The following RASAL2 variants were observed in gnomAD, a reference collection of about 807,000 sequenced individuals.
RASAL2 encodes RAS protein activator like 2.
RASAL2 carries 58 observed loss-of-function variants against 128.9 expected under a neutral mutation model. The observed-to-expected ratio is 0.45, with a 90% CI of 0.36 to 0.56. RASAL2 has a LOEUF of 0.56. RASAL2 is among the 20% of genes least tolerant of loss of function. The pLI is 0.00. For missense variants in RASAL2, 1,360 were observed against 1,601.6 expected (o/e 0.85, Z 2.57); for synonymous variants, 561 against 580.8 (o/e 0.97, Z 0.49).
Position 178,095,335 on chromosome 1 carries a change from G to A in RASAL2, c.202+641G>A, listed in dbSNP as rs557601993. Among the ~76,000 whole-genome samples the A allele has an allele frequency of 3.3e-5, 5 of 152,288 alleles. No homozygotes were observed. The South Asian group carries it at 6.2e-4, about 19-fold the overall frequency. ...TAAAACTTTCCCTTTCTGCATTCCT[G>A]GTAACCACCTCTTTAATTAAAACTG... On this transcript the variant is annotated intron_variant, in intron 1 of 17. Transcript: ENST00000367649.
intron 1 of RASAL2, among the ~76,000 whole-genome samples, chr1:178,200,063 A>G (rs316273): frequency 0.95 from 145,322 of 152,262 alleles, 69,705 homozygotes; most frequent in East Asian, 1. Context: ...ACGGCCTATT[A>G]TGGTACCTCG....
intron 3 of RASAL2, among the ~76,000 whole-genome samples, chr1:178,322,866 T>C (rs1668858068): frequency 6.6e-6 from 1 of 152,236 alleles, no homozygotes. Context: ...GATCATCTTT[T>C]TTCTTTTTAC....
chr1:178,283,617 G>C lies in RASAL2; in HGVS notation c.256G>C (p.Glu86Gln), dbSNP rs371638409. The change falls in exon 2 of 18, where the codon GAG becomes CAG. Residue 86 changes from glutamate to glutamine, a missense_variant. Coordinates refer to ENST00000367649, the MANE Select transcript of RASAL2 (RefSeq NM_170692.4). ...GTCTTGTGGTCAGTCACCCTACACC[G>C]AGACAACAACGTGGGAGCGGAAGTA... Reference protein sequence around the residue: ...RLSCGQSPYTETTTWERKYCI... With the variant: ...RLSCGQSPYTQTTTWERKYCI... The C allele has an allele frequency of 1.2e-6, 2 of 1,613,872 alleles. No individual in the cohort carries two copies. The highest frequency in any genetic ancestry group is 1.7e-5 in the Admixed American group (1 of 59,986).
chr1:178,456,408 T>A, intron 12 of RASAL2: 1 of 410,536 alleles, frequency 2.4e-6, no homozygotes. Flanking sequence ...TTCGCATGCC[T>A]ATTTTAGTTG....
chr1:178,398,346 G>A (rs143948594), intron 4 of RASAL2, among the ~76,000 whole-genome samples: 1 of 152,004 alleles, frequency 6.6e-6, no homozygotes, highest in Non-Finnish European at 1.5e-5. Context: ...TTTATATCTT[G>A]TTCATGTTTG....
intron 1 of RASAL2, among the ~76,000 whole-genome samples, chr1:178,239,862 C>T (rs1664415833): frequency 6.6e-6 from 1 of 151,950 alleles, no homozygotes; most frequent in Non-Finnish European, 1.5e-5. Context: ...AAAGCTTGAG[C>T]TGGATGGAGG....
chr1:178,135,342 C>G (rs900384863), intron 1 of RASAL2, among the ~76,000 whole-genome samples: 2 of 152,014 alleles, frequency 1.3e-5, no homozygotes, highest in African/African-American at 2.4e-5. Context: ...TTTATACTTT[C>G]TATTTTCATC....
rs149861000 is a variant in RASAL2 at position 178,096,064 on chromosome 1, T to G, written c.202+1370T>G. On this transcript the variant is annotated intron_variant, in intron 1 of 17. Transcript: ENST00000367649. ...GGGAGACGATGCAAGGTCACCCAGTTTGTTCTCAGCAAATTAGATTAAAAA... is the reference window on the plus strand; with the variant it reads ...GGGAGACGATGCAAGGTCACCCAGTGTGTTCTCAGCAAATTAGATTAAAAA... Among the ~76,000 whole-genome samples the G allele has an allele frequency of 7.5e-4, 114 of 152,290 alleles. 1 individual carries two copies. In the East Asian group the frequency reaches 0.022, roughly 29 times the overall value.
chr1:178,188,370 G>A (rs987526790), intron 1 of RASAL2, among the ~76,000 whole-genome samples: 9 of 151,976 alleles, frequency 5.9e-5, no homozygotes, highest in African/African-American at 2.2e-4. Context: ...TTAAAATCTG[G>A]GATTATTATA....
intron 1 of RASAL2, among the ~76,000 whole-genome samples, chr1:178,216,237 T>C (rs984500943): frequency 8.5e-5 from 13 of 152,224 alleles, no homozygotes; most frequent in African/African-American, 1.7e-4. Flanking sequence ...TGAAGAGTTA[T>C]AAATCAGATA....
intron 1 of RASAL2, among the ~76,000 whole-genome samples, chr1:178,239,919 T>C (rs1329567742): frequency 6.6e-6 from 1 of 152,088 alleles, no homozygotes; most frequent in Non-Finnish European, 1.5e-5. Context: ...CCTAGCTTAT[T>C]AAAAACAGAT....
At chr1:178,354,093 G>A (rs747643701) in intron 3 of RASAL2, among the ~76,000 whole-genome samples, 6 of 151,924 alleles carry the variant, frequency 3.9e-5, no homozygotes, top group Non-Finnish European at 5.9e-5. Flanking sequence ...ACAATTACAG[G>A]GAGTTTTACT....
rs946967396 is a variant in RASAL2, at chr1:178,477,816, TG to T, written c.*4578del. Reference sequence around the variant, plus strand: ...ATCATCCTAAAAAATGTACTATATGTGTTATATGTATATATAAGTTAAAGCA... The same window carrying T: ...ATCATCCTAAAAAATGTACTATATGTTTATATGTATATATAAGTTAAAGCA... On this transcript the variant is annotated 3_prime_UTR_variant, in exon 18 of 18. Coordinates refer to ENST00000367649, the MANE Select transcript of RASAL2 (RefSeq NM_170692.4). 3 of 152,198 alleles carry T rather than the reference TG, an allele frequency of 2.0e-5. No homozygotes were observed. Among genetic ancestry groups the T allele is most frequent in the African/African-American group, 7.2e-5 (3 of 41,448 alleles). 9.4% of individuals were successfully genotyped at this position (152,198 alleles called of 1,614,324 possible). A position where few individuals can be genotyped will look rare whatever the true frequency, so the allele number is the denominator to read the frequency against.
At chr1:178,182,898 A>T (rs533288305) in intron 1 of RASAL2, among the ~76,000 whole-genome samples, 2 of 152,234 alleles carry the variant, frequency 1.3e-5, no homozygotes, top group East Asian at 3.9e-4. Context: ...AAACTGTTCC[A>T]CCTCAGATCG....
At chr1:178,149,942 T>C (rs917436771) in intron 1 of RASAL2, among the ~76,000 whole-genome samples, 1 of 152,170 alleles carries the variant, frequency 6.6e-6, no homozygotes, top group African/African-American at 2.4e-5. Context: ...ACCCCCAGTA[T>C]ATAAATTTTG....
At chr1:178,313,368 A>G (rs544700410) in intron 3 of RASAL2, among the ~76,000 whole-genome samples, 81 of 152,300 alleles carry the variant, frequency 5.3e-4, no homozygotes, top group African/African-American at 1.8e-3. Context: ...TACCAAAACA[A>G]TTGGCTAAGA....
intron 3 of RASAL2, among the ~76,000 whole-genome samples, chr1:178,328,992 G>A (rs1276747469): frequency 1.3e-5 from 2 of 152,100 alleles, no homozygotes; most frequent in Non-Finnish European, 2.9e-5. Context: ...GCCTAACCTA[G>A]GGAGTACAGC....
chr1:178,332,374 C>T (rs1038386719), intron 3 of RASAL2, among the ~76,000 whole-genome samples: 35 of 151,566 alleles, frequency 2.3e-4, no homozygotes, highest in Non-Finnish European at 4.1e-4. Flanking sequence ...GGGGTGGTGG[C>T]AGGCACTTGT....
intron 1 of RASAL2, among the ~76,000 whole-genome samples, chr1:178,274,227 G>A (rs11584886): frequency 0.27 from 40,671 of 151,878 alleles, 6,297 homozygotes; most frequent in African/African-American, 0.43. Flanking sequence ...TTGCTAAAAA[G>A]TCAGACACTA....
Sources: allele counts gnomAD v4.1 joint callset (sites outside exome capture counted in the v4.1 genomes callset), GRCh38; gene constraint gnomAD v4.1.1; transcripts MANE v1.5; gene names NCBI Gene and HGNC (gene_info 2026-07-23, HGNC 2026-07-21).